MGAT4A: variants seen among roughly 807,000 people sequenced by gnomAD.
The protein encoded by MGAT4A is N-acetylglucosaminyltransferase IVa.
In MGAT4A, 33 loss-of-function variants were observed where a neutral mutation model predicts 74.1. The ratio of observed to expected loss-of-function variants is 0.45; its 90% CI spans 0.34 to 0.60. The LOEUF is 0.60. Ranked by LOEUF, MGAT4A falls within the 20% of genes least tolerant of loss-of-function variation. The pLI is 0.02. For synonymous variants in MGAT4A, 198 were observed against 210.4 expected, an observed-to-expected ratio of 0.94 and a Z score of 0.51; for missense variants, 479 against 628.3, an observed-to-expected ratio of 0.76 and a Z score of 2.54.
chr2:98,728,271 A>G (rs1020625558), intron 1 of MGAT4A, among the ~76,000 whole-genome samples: 3 of 152,232 alleles, frequency 2.0e-5, no homozygotes, highest in African/African-American at 4.8e-5. Context: ...ACCCTCAGAC[A>G]GCAGCTCTAC....
In MGAT4A at chr2:98,714,128, C is replaced by T. The variant is rs910557038; in HGVS notation, c.94+12111G>A. Among the ~76,000 whole-genome samples the T allele has an allele frequency of 3.3e-5, 5 of 152,266 alleles. No individual in the cohort carries two copies. The East Asian group carries it at 9.7e-4, about 29-fold the overall frequency. ...TTTGAGACGGAGTCTCGCTCTGTCA[C>T]CCAGGCTGGAGTGCAGTGGCGCGAT... On this transcript the variant is annotated intron_variant, in intron 2 of 15. Coordinates refer to ENST00000393487, the MANE Select transcript of MGAT4A (RefSeq NM_012214.3).
intron 2 of MGAT4A, among the ~76,000 whole-genome samples, chr2:98,701,932 C>T (rs184116247): frequency 1.3e-5 from 2 of 152,268 alleles, no homozygotes; most frequent in East Asian, 3.9e-4. Flanking sequence ...ATCAGAATTA[C>T]CTAGGGGCAC....
At chr2:98,641,949 T>TGC (rs1701417706) in intron 10 of MGAT4A, among the ~76,000 whole-genome samples, 1 of 148,632 alleles carries the variant, frequency 6.7e-6, no homozygotes. Flanking sequence ...GGGCTGAGAC[T>TGC]GCGCCATTGC....
intron 2 of MGAT4A, among the ~76,000 whole-genome samples, chr2:98,681,768 C>T (rs902671757): frequency 6.6e-6 from 1 of 152,088 alleles, no homozygotes; most frequent in Admixed American, 6.6e-5. Flanking sequence ...CCCTGGGCAA[C>T]ATGGCGAGAC....
At chr2:98,674,405 A>G (rs1701952107) in intron 4 of MGAT4A, among the ~76,000 whole-genome samples, 1 of 152,250 alleles carries the variant, frequency 6.6e-6, no homozygotes, top group Admixed American at 6.5e-5. Flanking sequence ...TGCTTGCTCA[A>G]GCCCACTTCC....
rs1701076763 is a variant in MGAT4A at position 98,622,563 on chromosome 2, T to A, written c.*3003A>T. 1.0e-6 allele frequency: 1 copy of A among 985,324 alleles called. No individual in the cohort carries two copies. The highest frequency in any genetic ancestry group is 6.1e-5 in the Admixed American group (1 of 16,266). The allele number at this position is 985,324 out of a possible 1,614,324, so 61.0% of individuals were successfully genotyped here. On this transcript the variant is annotated 3_prime_UTR_variant, in exon 16 of 16. Coordinates refer to ENST00000393487, the MANE Select transcript of MGAT4A (RefSeq NM_012214.3). ...CAGGGACTCTTCCCCTCCCTTAATC[T>A]TCTGCCCTCACACTGCTCTTAAGGG...
In MGAT4A at chr2:98,678,479, CA is replaced by C; in HGVS notation, c.95-9del. On this transcript the variant is annotated splice_polypyrimidine_tract_variant and intron_variant, in intron 2 of 15. Transcript: ENST00000393487. ...GATAAGCAATCAGTTTTTCTAGAAG[CA>C]AAACCAAAACAGTTATAGTATATGT... 1 of 1,551,774 alleles carries C rather than the reference CA, an allele frequency of 6.4e-7. No individual in the cohort carries two copies. The highest frequency in any genetic ancestry group is 1.7e-5 in the Admixed American group (1 of 58,394).
intron 2 of MGAT4A, among the ~76,000 whole-genome samples, chr2:98,692,239 A>G (rs1702206089): frequency 6.6e-6 from 1 of 152,092 alleles, no homozygotes; most frequent in Non-Finnish European, 1.5e-5. Context: ...AAGTACAGGT[A>G]CATGCCACTA....
At chr2:98,665,426 C>A (rs895989328) in intron 4 of MGAT4A, among the ~76,000 whole-genome samples, 1 of 151,650 alleles carries the variant, frequency 6.6e-6, no homozygotes, top group Non-Finnish European at 1.5e-5. Context: ...TACTAAGATG[C>A]GAAAGGTTTA....
chr2:98,689,624 A>G (rs981454536), intron 2 of MGAT4A, among the ~76,000 whole-genome samples: 1 of 152,196 alleles, frequency 6.6e-6, no homozygotes, highest in African/African-American at 2.4e-5. Context: ...GAAGTTCAAG[A>G]CTAGCCTCGG....
intron 1 of MGAT4A, among the ~76,000 whole-genome samples, chr2:98,730,649 C>T (rs1702839175): frequency 1.3e-5 from 2 of 151,272 alleles, no homozygotes; most frequent in South Asian, 4.2e-4. Flanking sequence ...CAGCACTTTG[C>T]TCCACTTTCC....
At chr2:98,688,409 T>G (rs1379955203) in intron 2 of MGAT4A, among the ~76,000 whole-genome samples, 1 of 152,134 alleles carries the variant, frequency 6.6e-6, no homozygotes. Flanking sequence ...GCCCCTTGAG[T>G]GCAGGCAGAC....
At chr2:98,627,568 G>T (rs370843310) in intron 14 of MGAT4A, among the ~76,000 whole-genome samples, 4 of 152,244 alleles carry the variant, frequency 2.6e-5, no homozygotes, top group African/African-American at 9.6e-5. Flanking sequence ...TAGAGACGGG[G>T]TTTCACCATG....
chr2:98,702,259 C>G (rs908201874), intron 2 of MGAT4A, among the ~76,000 whole-genome samples: 3 of 152,234 alleles, frequency 2.0e-5, no homozygotes, highest in African/African-American at 7.2e-5. Context: ...CTCACTGCCA[C>G]TGCTGGCAGG....
At chr2:98,677,891 T>C (rs1380360315) in intron 3 of MGAT4A, among the ~76,000 whole-genome samples, 3 of 149,532 alleles carry the variant, frequency 2.0e-5, no homozygotes, top group Admixed American at 6.8e-5. Flanking sequence ...TTATAAACTA[T>C]TCTACATGAC....
At chr2:98,695,677 C>T (rs1003687877) in intron 2 of MGAT4A, among the ~76,000 whole-genome samples, 1 of 152,140 alleles carries the variant, frequency 6.6e-6, no homozygotes, top group African/African-American at 2.4e-5. Flanking sequence ...TCTTGGCCTT[C>T]CTGGTGTGCA....
intron 2 of MGAT4A, among the ~76,000 whole-genome samples, chr2:98,717,982 A>G (rs1702614712): frequency 6.6e-6 from 1 of 152,266 alleles, no homozygotes; most frequent in African/African-American, 2.4e-5. Flanking sequence ...AAAGAAAAAC[A>G]AATCTAAAAA....
chr2:98,655,347 G>C (rs1410119087), intron 8 of MGAT4A, 98 bp downstream of exon 8: 1 of 820,810 alleles, frequency 1.2e-6, no homozygotes, highest in African/African-American at 1.7e-5. Flanking sequence ...AGATCTCAGA[G>C]GGTTTGCACT....
chr2:98,730,868 C>T (rs959435590), intron 1 of MGAT4A, among the ~76,000 whole-genome samples, 180 bp downstream of exon 1: 91 of 147,046 alleles, frequency 6.2e-4, no homozygotes, highest in Non-Finnish European at 1.2e-3. Context: ...ACAGCTCCCC[C>T]GCACAGAGCT....
Sources: gnomAD v4.1 joint callset for allele counts (sites outside exome capture counted in the v4.1 genomes callset) on GRCh38, gnomAD v4.1.1 for gene constraint, MANE v1.5 for transcripts, NCBI Gene and HGNC (gene_info 2026-07-23, HGNC 2026-07-21) for gene names.